Variants in EIF4E3 observed in about 807,000 individuals in gnomAD.
EIF4E3 encodes eukaryotic translation initiation factor 4E type 3.
Under a neutral mutation model 31.7 loss-of-function variants are expected in EIF4E3, and 26 were observed. That is an observed-to-expected ratio of 0.82 (90% CI 0.60 to 1.14). The LOEUF (loss-of-function observed/expected upper bound fraction) is 1.14. EIF4E3 is among the 50% of genes most tolerant of loss of function. EIF4E3 has a pLI of 0.00. For missense variants in EIF4E3, 304 were observed against 270.9 expected, an observed-to-expected ratio of 1.12 and a Z score of -0.86; for synonymous variants, 128 against 107.7, an observed-to-expected ratio of 1.19 and a Z score of -1.17.
intron 2 of EIF4E3, among the ~76,000 whole-genome samples, chr3:71,704,964 T>C (rs2049269267): frequency 6.6e-6 from 1 of 152,220 alleles, no homozygotes; most frequent in Non-Finnish European, 1.5e-5. Context: ...ATTATGCATA[T>C]AATGAATAAA....
chr3:71,684,527 G>C lies in EIF4E3; in HGVS notation c.*155C>G. Reference sequence around the variant, plus strand: ...CACACAATCTCCCCCCACCCCACCTGCCACTTTGAGTCCTAATTGCCCATC... The same window carrying C: ...CACACAATCTCCCCCCACCCCACCTCCCACTTTGAGTCCTAATTGCCCATC... On this transcript the variant is annotated 3_prime_UTR_variant, in exon 7 of 7. Coordinates refer to ENST00000425534, the MANE Select transcript of EIF4E3 (RefSeq NM_001134651.2). 1.6e-6 allele frequency: 1 copy of C among 642,280 alleles called. No individual in the cohort carries two copies. The highest frequency in any genetic ancestry group is 3.0e-5 in the Admixed American group (1 of 33,634). The allele number at this position is 642,280 out of a possible 1,614,324, so 39.8% of individuals were successfully genotyped here.
At chr3:71,744,920 C>A (rs777275473) in intron 1 of EIF4E3, among the ~76,000 whole-genome samples, 1 of 152,180 alleles carries the variant, frequency 6.6e-6, no homozygotes, top group South Asian at 2.1e-4. Flanking sequence ...GAAGGCAGTG[C>A]CAGGGCCACA....
downstream of EIF4E3, among the ~76,000 whole-genome samples, chr3:71,670,476 T>C (rs561188313): frequency 3.0e-4 from 46 of 152,292 alleles, no homozygotes; most frequent in African/African-American, 1.0e-3. Flanking sequence ...CCAACTTTCT[T>C]CCGTGTCTTT....
At position 71,693,884 on chromosome 3, in the gene EIF4E3, C is replaced by A; in HGVS notation, c.463G>T (p.Ala155Ser). Residue 155 changes from alanine to serine, a missense_variant, in exon 5 of 7, where the codon GCC becomes TCC. By Grantham distance (99) the Ala-to-Ser change is moderately conservative. Coordinates refer to ENST00000425534, the MANE Select transcript of EIF4E3 (RefSeq NM_001134651.2). ...CCGTGGGCTGCTTTACCTGCTGCGG[C>A]ACAGTCTGTGAACTGTTCCCCGATG... ...ATIGEQFTDC[A>S]AADDEVIGVS... 6.4e-7 allele frequency: 1 copy of A among 1,573,740 alleles called. No individual in the cohort carries two copies. Among genetic ancestry groups the A allele is most frequent in the Non-Finnish European group, 8.6e-7 (1 of 1,159,988 alleles).
At chr3:71,696,598 T>C (rs546519899) in intron 3 of EIF4E3, 78 bp from the exon 4 acceptor site, 11 of 1,525,410 alleles carry the variant, frequency 7.2e-6, no homozygotes, top group South Asian at 1.2e-5. Flanking sequence ...TATCTCTTCA[T>C]ACATTTAGTT....
At chr3:71,706,814 C>A (rs1011748702) in intron 2 of EIF4E3, among the ~76,000 whole-genome samples, 5 of 152,024 alleles carry the variant, frequency 3.3e-5, no homozygotes, top group African/African-American at 9.7e-5. Flanking sequence ...CAAAGTGAGA[C>A]CCTGTTTCTG....
At chr3:71,708,385 G>A (rs568742092) in intron 2 of EIF4E3, among the ~76,000 whole-genome samples, 142 of 152,238 alleles carry the variant, frequency 9.3e-4, no homozygotes, top group South Asian at 3.5e-3. Flanking sequence ...CTTGATCTGC[G>A]TGATGGTTGT....
At chr3:71,700,018 C>CA (rs1343537106) in intron 2 of EIF4E3, among the ~76,000 whole-genome samples, 2 of 151,922 alleles carry the variant, frequency 1.3e-5, no homozygotes, top group Non-Finnish European at 2.9e-5. Flanking sequence ...ACAAAAAATA[C>CA]AAAAAATTAG....
chr3:71,698,168 A>C (rs1388938823), intron 3 of EIF4E3, among the ~76,000 whole-genome samples: 1 of 152,216 alleles, frequency 6.6e-6, no homozygotes, highest in Non-Finnish European at 1.5e-5. Flanking sequence ...TGTTGGATAC[A>C]GAAGCAGATT....
chr3:71,708,696 C>T (rs1176333965), intron 2 of EIF4E3, among the ~76,000 whole-genome samples: 3 of 152,106 alleles, frequency 2.0e-5, no homozygotes, highest in African/African-American at 7.2e-5. Context: ...TCTAATGAGA[C>T]TCTGAGAGCC....
At chr3:71,664,128 C>T in the EIF4E3 span, among the ~76,000 whole-genome samples, 21 of 152,246 alleles carry the variant, frequency 1.4e-4, no homozygotes, top group East Asian at 3.5e-3. Flanking sequence ...ACTTTATCTA[C>T]AGGGCAATGG....
intron 1 of EIF4E3, among the ~76,000 whole-genome samples, chr3:71,731,054 AGC>A (rs2049701131): frequency 6.6e-6 from 1 of 152,090 alleles, no homozygotes; most frequent in East Asian, 1.9e-4. Flanking sequence ...CACTGGTGCC[AGC>A]CACTCCCAGT....
At chr3:71,713,607 T>C (rs994216923) in intron 1 of EIF4E3, among the ~76,000 whole-genome samples, 27 of 152,060 alleles carry the variant, frequency 1.8e-4, no homozygotes, top group African/African-American at 6.3e-4. Flanking sequence ...CAGCTAATTT[T>C]TGTATTTTTT....
upstream of EIF4E3, chr3:71,753,770 G>T: frequency 6.4e-6 from 1 of 157,292 alleles, no homozygotes; most frequent in Non-Finnish European, 1.4e-5. Context: ...GATGCGGGGG[G>T]CTGCGGACGG....
At chr3:71,701,822 T>C (rs954677215) in intron 2 of EIF4E3, among the ~76,000 whole-genome samples, 1 of 152,218 alleles carries the variant, frequency 6.6e-6, no homozygotes, top group African/African-American at 2.4e-5. Flanking sequence ...GACAGATGTA[T>C]TAATTGAGAA....
At chr3:71,750,786 C>T (rs112497022) in intron 1 of EIF4E3, among the ~76,000 whole-genome samples, 7 of 146,030 alleles carry the variant, frequency 4.8e-5, no homozygotes, top group South Asian at 2.2e-4. Flanking sequence ...TTTTTTGAGA[C>T]GGAGTCTCGC....
intron 1 of EIF4E3, among the ~76,000 whole-genome samples, chr3:71,750,303 G>A (rs1053887204): frequency 2.6e-5 from 4 of 152,086 alleles, no homozygotes; most frequent in African/African-American, 9.7e-5. Context: ...GATTCCAAGA[G>A]GTTAAGTGAC....
chr3:71,671,394 G>A (rs2048847206), downstream of EIF4E3, among the ~76,000 whole-genome samples: 2 of 152,226 alleles, frequency 1.3e-5, no homozygotes, highest in East Asian at 1.9e-4. Flanking sequence ...AGAAGAGTGG[G>A]AGAGACAGCA....
At chr3:71,659,378 T>A in the EIF4E3 span, among the ~76,000 whole-genome samples, 1 of 152,228 alleles carries the variant, frequency 6.6e-6, no homozygotes, top group South Asian at 2.1e-4. Flanking sequence ...TTGCTACATG[T>A]TTTAATTATG....
Sources: gnomAD v4.1 joint callset for allele counts (sites outside exome capture counted in the v4.1 genomes callset) on GRCh38, gnomAD v4.1.1 for gene constraint, MANE v1.5 for transcripts, NCBI Gene and HGNC (gene_info 2026-07-23, HGNC 2026-07-21) for gene names.